Variants in BIVM observed in about 807,000 individuals in gnomAD.
BIVM encodes the protein basic immunoglobulin-like variable motif-containing protein.
A neutral mutation model predicts 61.4 loss-of-function variants in BIVM; 31 were observed. That is an observed-to-expected ratio of 0.51 (90% CI 0.38 to 0.68). The LOEUF is 0.68. BIVM is among the 30% of genes least tolerant of loss of function. The pLI, the probability that BIVM is intolerant of heterozygous loss-of-function variation, is 0.00. For missense variants in BIVM, 526 were observed against 596.0 expected, an observed-to-expected ratio of 0.88 and a Z score of 1.22; for synonymous variants, 189 against 210.7, an observed-to-expected ratio of 0.90 and a Z score of 0.89.
intron 7 of BIVM, among the ~76,000 whole-genome samples, chr13:102,826,103 T>C (rs1039590088): frequency 2.0e-5 from 3 of 152,216 alleles, no homozygotes; most frequent in African/African-American, 7.2e-5. Context: ...GTTACGAAAC[T>C]TCTAAGAGAG....
intron 3 of BIVM, among the ~76,000 whole-genome samples, chr13:102,815,648 A>C (rs1879817122): frequency 6.6e-6 from 1 of 152,230 alleles, no homozygotes; most frequent in Non-Finnish European, 1.5e-5. Context: ...AAAATTAAAA[A>C]GTACAAATTC....
intron 8 of BIVM, among the ~76,000 whole-genome samples, chr13:102,833,478 C>T (rs1239913531): frequency 1.3e-5 from 2 of 151,894 alleles, no homozygotes; most frequent in Non-Finnish European, 2.9e-5. Flanking sequence ...CAGGTACACA[C>T]CACCATACTT....
At chr13:102,838,137 T>C (rs1242405284) in intron 9 of BIVM, among the ~76,000 whole-genome samples, 1 of 152,260 alleles carries the variant, frequency 6.6e-6, no homozygotes, top group East Asian at 1.9e-4. Flanking sequence ...TTTTTTAAAA[T>C]TTCATTTCTT....
At chr13:102,804,111 ACT>A (rs1463030952) in intron 1 of BIVM, among the ~76,000 whole-genome samples, 1 of 152,002 alleles carries the variant, frequency 6.6e-6, no homozygotes, top group African/African-American at 2.4e-5. Flanking sequence ...ACAACTATAA[ACT>A]CTGCACAAAT....
At chr13:102,802,745 CTT>C (rs35905954) in intron 1 of BIVM, among the ~76,000 whole-genome samples, 31,320 of 131,674 alleles carry the variant, frequency 0.24, 3,811 homozygotes, top group African/African-American at 0.39. Context: ...TCTCTCTTTC[CTT>C]TTTTTTTTTT....
chr13:102,816,312 T>G, intron 3 of BIVM, 116 bp from the exon 4 acceptor site: 1 of 1,049,834 alleles, frequency 9.5e-7, no homozygotes, highest in Middle Eastern at 3.1e-4. Context: ...TTCTTTGCAC[T>G]TTCTCAGCAG....
At chr13:102,814,767 C>A (rs78906208) in intron 3 of BIVM, among the ~76,000 whole-genome samples, 4 of 152,080 alleles carry the variant, frequency 2.6e-5, no homozygotes, top group Admixed American at 2.6e-4. Flanking sequence ...AAAAGGGTCA[C>A]GCATGATGGC....
At position 102,807,495 on chromosome 13, in the gene BIVM, C is replaced by T. The variant is rs768925815; in HGVS notation, c.228C>T (p.Leu76=). The T allele has an allele frequency of 1.2e-6, 2 of 1,614,220 alleles. No homozygotes were observed. Among genetic ancestry groups the T allele is most frequent in the South Asian group, 2.2e-5 (2 of 91,080 alleles). ...IYAICSDYAF[L]NQATSIYKTP... is the part of the protein sequence containing the mutation. ...CCATCTGTTCGGACTATGCCTTTCTCAACCAGGCGACCTCAATCTATAAAA... is the reference window on the plus strand; with the variant it reads ...CCATCTGTTCGGACTATGCCTTTCTTAACCAGGCGACCTCAATCTATAAAA... Residue 76 remains leucine, a synonymous_variant, in exon 3 of 11, where the codon CTC becomes CTT. Coordinates refer to ENST00000257336, the MANE Select transcript of BIVM (RefSeq NM_017693.4). This position sits in a 1 kb window ranked among gnomAD's most constrained non-coding sequence, Gnocchi z 4.0.
chr13:102,802,922 T>A (rs369018960), intron 1 of BIVM, among the ~76,000 whole-genome samples: 1 of 152,164 alleles, frequency 6.6e-6, no homozygotes, highest in Admixed American at 6.5e-5. Context: ...ACACTGTTAC[T>A]CTTTTTATTA....
chr13:102,837,603 C>T (rs775535405), intron 9 of BIVM, among the ~76,000 whole-genome samples: 48 of 152,232 alleles, frequency 3.2e-4, no homozygotes, highest in African/African-American at 9.6e-4. Context: ...CAGGCACACA[C>T]GTTTATAGTG....
intron 1 of BIVM, among the ~76,000 whole-genome samples, chr13:102,801,252 T>A (rs796867559): frequency 6.7e-6 from 1 of 149,940 alleles, no homozygotes; most frequent in Non-Finnish European, 1.5e-5. Flanking sequence ...TAAATTTTTT[T>A]TTTTTTTTTT....
Position 102,839,740 on chromosome 13 carries a change from G to A in BIVM, c.1387G>A (p.Gly463Arg), listed in dbSNP as rs1595369452. ...AGACAATATTTCCAAGAAGCAGCAT[G>A]GGCGTCTGGGCCGGTCTTTCAGTGC... is the stretch of plus-strand genomic sequence containing the variant. The part of the protein sequence containing the change: ...SEDNISKKQH[G>R]RLGRSFSASF... Residue 463 changes from glycine to arginine, a missense_variant, in exon 11 of 11, where the codon GGG becomes AGG. This residue lies in a region of BIVM where 210 missense variants were observed against 233.1 expected (regional missense o/e 0.90). Coordinates refer to ENST00000257336, the MANE Select transcript of BIVM (RefSeq NM_017693.4). 1 of 1,614,194 alleles carries A rather than the reference G, an allele frequency of 6.2e-7. No homozygotes were observed. Among genetic ancestry groups the A allele is most frequent in the Non-Finnish European group, 8.5e-7 (1 of 1,180,048 alleles).
Position 102,821,018 on chromosome 13 carries a change from C to A in BIVM, c.606-19C>A. 1 of 1,603,076 alleles carries A rather than the reference C, an allele frequency of 6.2e-7. No homozygotes were observed. Among genetic ancestry groups the A allele is most frequent in the Non-Finnish European group, 8.5e-7 (1 of 1,175,778 alleles). ...TTTGTGTTCATTCAAGTGAAGAAAA[C>A]AGTCTTTTGTGTTCTCAGGTACTGC... On this transcript the variant is annotated intron_variant, in intron 4 of 10. Coordinates refer to ENST00000257336, the MANE Select transcript of BIVM (RefSeq NM_017693.4).
At position 102,839,946 on chromosome 13, in the gene BIVM, T is replaced by C. The variant is rs1037341325; in HGVS notation, c.*81T>C. 3.6e-6 allele frequency: 5 copies of C among 1,399,238 alleles called. No individual in the cohort carries two copies. In the African/African-American group the frequency reaches 7.2e-5, roughly 20 times the overall value. The allele number at this position is 1,399,238 out of a possible 1,614,324, so 86.7% of individuals were successfully genotyped here. A position where few individuals can be genotyped will look rare whatever the true frequency, so the allele number is the denominator to read the frequency against. ...GTATAAAGACAGTAGAAGATTTTAGTAAGCCTACATTAAATAGGAGCAGAT... is the reference window on the plus strand; with the variant it reads ...GTATAAAGACAGTAGAAGATTTTAGCAAGCCTACATTAAATAGGAGCAGAT... On this transcript the variant is annotated 3_prime_UTR_variant, in exon 11 of 11. Transcript: ENST00000257336.
intron 4 of BIVM, among the ~76,000 whole-genome samples, chr13:102,817,983 G>A (rs377259045): frequency 2.6e-5 from 4 of 152,194 alleles, no homozygotes; most frequent in Non-Finnish European, 5.9e-5. Context: ...CAGTTGAGGT[G>A]AGGGGACTAA....
Position 102,801,103 on chromosome 13 carries a change from A to G in BIVM, c.-207+1582A>G, listed in dbSNP as rs565923430. Reference sequence around the variant, plus strand: ...CGTTCAGTGACTTTGAACAATCATGACTCTGGCGGTGCTTTTTAAACTTGC... The same window carrying G: ...CGTTCAGTGACTTTGAACAATCATGGCTCTGGCGGTGCTTTTTAAACTTGC... On this transcript the variant is annotated intron_variant, in intron 1 of 10. Transcript: ENST00000257336. Among the ~76,000 whole-genome samples the G allele has an allele frequency of 9.2e-5, 14 of 152,230 alleles. No homozygotes were observed. In the South Asian group the frequency reaches 2.9e-3, roughly 32 times the overall value.
chr13:102,826,022 G>C (rs1485384308), intron 7 of BIVM, among the ~76,000 whole-genome samples: 1 of 152,160 alleles, frequency 6.6e-6, no homozygotes, highest in Non-Finnish European at 1.5e-5. Flanking sequence ...TGATACTTAG[G>C]TGCTCAGTAG....
intron 7 of BIVM, among the ~76,000 whole-genome samples, chr13:102,825,391 C>T (rs993804340): frequency 1.3e-5 from 2 of 152,176 alleles, no homozygotes; most frequent in Non-Finnish European, 2.9e-5. Flanking sequence ...AGCTACTGTG[C>T]CTGGCCCAAT....
intron 8 of BIVM, among the ~76,000 whole-genome samples, chr13:102,834,235 A>G (rs1881311040): frequency 6.6e-6 from 1 of 152,302 alleles, no homozygotes; most frequent in East Asian, 1.9e-4. Flanking sequence ...GGTATATTAA[A>G]ACATTTTATA....
Sources: gnomAD v4.1 joint callset for allele counts (sites outside exome capture counted in the v4.1 genomes callset) on GRCh38, gnomAD v4.1.1 for gene constraint, gnomAD v4.1.1 regional missense constraint, Gnocchi (gnomAD v3.1) non-coding constraint, MANE v1.5 for transcripts, NCBI Gene and HGNC (gene_info 2026-07-23, HGNC 2026-07-21) for gene names.